GPR139: variants seen among roughly 807,000 people sequenced by gnomAD.
GPR139 encodes G protein-coupled receptor 139.
Under a neutral mutation model 25.8 loss-of-function variants are expected in GPR139, and 12 were observed. The ratio of observed to expected loss-of-function variants is 0.47; its 90% CI spans 0.30 to 0.75. The LOEUF is 0.75. Ranked by LOEUF, GPR139 falls within the 30% of genes least tolerant of loss-of-function variation. The pLI is 0.07. For synonymous variants in GPR139, 184 were observed against 179.9 expected, an observed-to-expected ratio of 1.02 and a Z score of -0.18; for missense variants, 380 against 450.2, an observed-to-expected ratio of 0.84 and a Z score of 1.41.
chr16:20,067,586 G>A (rs929381576), intron 1 of GPR139, among the ~76,000 whole-genome samples: 4 of 151,996 alleles, frequency 2.6e-5, no homozygotes, highest in African/African-American at 9.7e-5. Flanking sequence ...AGGTGGATCA[G>A]CTGAGGTCGG....
chr16:20,071,753 GT>G (rs1231850443), intron 1 of GPR139, among the ~76,000 whole-genome samples: 1 of 152,140 alleles, frequency 6.6e-6, no homozygotes, highest in African/African-American at 2.4e-5. Flanking sequence ...AAAGGCCTAA[GT>G]TTTTCCTCAT....
chr16:20,060,122 C>G (rs1404250314), intron 1 of GPR139, among the ~76,000 whole-genome samples: 1 of 152,130 alleles, frequency 6.6e-6, no homozygotes, highest in Non-Finnish European at 1.5e-5. Flanking sequence ...TTTCAGGAGG[C>G]AGATGATGGT....
rs372718107 is a variant in GPR139, at chr16:20,038,180, C to A, written c.128-5511G>T. On this transcript the variant is annotated intron_variant, in intron 1 of 1. Coordinates refer to ENST00000570682, the MANE Select transcript of GPR139 (RefSeq NM_001002911.4). Reference sequence around the variant, plus strand: ...CTCAGCCACAACCTCTTTTTCCCCCCCATCCATTAAACAATGCCCACTTTC... The same window carrying A: ...CTCAGCCACAACCTCTTTTTCCCCCACATCCATTAAACAATGCCCACTTTC... 1.5e-3 allele frequency among the ~76,000 whole-genome samples: 233 copies of A among 152,110 alleles called. 2 individuals are homozygous for A. Among genetic ancestry groups the A allele is most frequent in the African/African-American group, 5.1e-3 (212 of 41,510 alleles).
rs139564178 is a variant in GPR139, at chr16:20,042,908, G to A, written c.128-10239C>T. 3.2e-3 allele frequency among the ~76,000 whole-genome samples: 482 copies of A among 152,150 alleles called. 3 individuals are homozygous for A. The highest frequency in any genetic ancestry group is 0.01 in the African/African-American group (429 of 41,492). ...GAAAAGTATTCTAACACCATGCCTG[G>A]GCTTAGTGGTGCTTTGATGGATTGG... On this transcript the variant is annotated intron_variant, in intron 1 of 1. Coordinates refer to ENST00000570682, the MANE Select transcript of GPR139 (RefSeq NM_001002911.4).
intron 1 of GPR139, among the ~76,000 whole-genome samples, chr16:20,046,249 A>C (rs576064371): frequency 3.3e-5 from 5 of 152,338 alleles, no homozygotes; most frequent in Admixed American, 6.5e-5. Flanking sequence ...GCATTCTCTT[A>C]TTCATTCAAC....
At chr16:20,058,470 T>A (rs969975102) in intron 1 of GPR139, among the ~76,000 whole-genome samples, 1 of 151,814 alleles carries the variant, frequency 6.6e-6, no homozygotes, top group Non-Finnish European at 1.5e-5. Flanking sequence ...GTAAGAAAAA[T>A]CTTTGTGTTG....
chr16:20,060,543 T>C (rs936422028), intron 1 of GPR139, among the ~76,000 whole-genome samples: 10 of 152,144 alleles, frequency 6.6e-5, no homozygotes, highest in African/African-American at 2.2e-4. Context: ...GCTTTGCACT[T>C]AGCTGAAAAT....
chr16:20,054,324 A>T (rs1430020346), intron 1 of GPR139, among the ~76,000 whole-genome samples: 1 of 152,200 alleles, frequency 6.6e-6, no homozygotes, highest in Non-Finnish European at 1.5e-5. Flanking sequence ...GCTAGTAAAG[A>T]ATCCAAACCT....
In GPR139 at chr16:20,039,741, C is replaced by T. The variant is rs560409486; in HGVS notation, c.128-7072G>A. On this transcript the variant is annotated intron_variant, in intron 1 of 1. Coordinates refer to ENST00000570682, the MANE Select transcript of GPR139 (RefSeq NM_001002911.4). ...ATGTATAAACTCAGGGGAGTTTATACATTTAATGACTACATTAGAAATTAG... is the reference window on the plus strand; with the variant it reads ...ATGTATAAACTCAGGGGAGTTTATATATTTAATGACTACATTAGAAATTAG... Among the ~76,000 whole-genome samples, 21 of 152,226 alleles carry T rather than the reference C, an allele frequency of 1.4e-4. 1 individual carries two copies. The highest frequency in any genetic ancestry group is 9.2e-4 in the Admixed American group (14 of 15,298).
At chr16:20,070,973 G>T in intron 1 of GPR139, 1 of 985,496 alleles carries the variant, frequency 1.0e-6, no homozygotes, top group Non-Finnish European at 1.2e-6. Flanking sequence ...TCACTGGTGG[G>T]GCTGAGCAAG....
Position 20,073,750 on chromosome 16 carries a change from C to T in GPR139, c.-134G>A. On this transcript the variant is annotated 5_prime_UTR_variant, in exon 1 of 2. Coordinates refer to ENST00000570682, the MANE Select transcript of GPR139 (RefSeq NM_001002911.4). This position sits in a 1 kb window ranked among gnomAD's most constrained non-coding sequence, Gnocchi z 4.7. Reference sequence around the variant, plus strand: ...CGCCTCTCTCCCCGCAGGACTGGCTCCTACCCTTGGCCGTGATCCCCTCTG... The same window carrying T: ...CGCCTCTCTCCCCGCAGGACTGGCTTCTACCCTTGGCCGTGATCCCCTCTG... 2.5e-6 allele frequency: 3 copies of T among 1,177,792 alleles called. No individual in the cohort carries two copies. The highest frequency in any genetic ancestry group is 1.6e-5 in the South Asian group (1 of 61,984). 73.0% of individuals were successfully genotyped at this position (1,177,792 alleles called of 1,614,324 possible).
Position 20,053,238 on chromosome 16 carries a change from G to A in GPR139, c.127+20252C>T, listed in dbSNP as rs141746623. On this transcript the variant is annotated intron_variant, in intron 1 of 1. Transcript: ENST00000570682. ...GGGCATGGGGAACATTGTTTTCACT[G>A]ACACCCAAATCAGATGCAGGACAGA... Among the ~76,000 whole-genome samples, 454 of 152,262 alleles carry A rather than the reference G, an allele frequency of 3.0e-3. 5 individuals are homozygous for A. Among genetic ancestry groups the A allele is most frequent in the Middle Eastern group, 0.02 (6 of 294 alleles).
rs71146301 is a variant in GPR139, at chr16:20,073,290, G to GCACACACACA, written c.127+190_127+199dup. Among the ~76,000 whole-genome samples, 1 of 149,948 alleles carries GCACACACACA rather than the reference G, an allele frequency of 6.7e-6. No homozygotes were observed. The highest frequency in any genetic ancestry group is 6.6e-5 in the Admixed American group (1 of 15,118). On this transcript the variant is annotated intron_variant, in intron 1 of 1. Transcript: ENST00000570682. The surrounding 1 kb of genome is among the most constrained non-coding windows in gnomAD (Gnocchi z 4.7). ...CACACACACACACACGCTCGCGCGC[G>GCACACACACA]CACACACACACACACGGTCCCCAGC...
chr16:20,067,151 G>C (rs943405747), intron 1 of GPR139, among the ~76,000 whole-genome samples: 4 of 152,192 alleles, frequency 2.6e-5, no homozygotes, highest in Non-Finnish European at 5.9e-5. Flanking sequence ...AAACTAACAT[G>C]ATCGTTACAG....
intron 1 of GPR139, among the ~76,000 whole-genome samples, chr16:20,067,462 T>G (rs943334201): frequency 2.6e-5 from 4 of 151,946 alleles, no homozygotes; most frequent in African/African-American, 9.7e-5. Flanking sequence ...TAAGGACGAG[T>G]CATGCAGTAT....
intron 1 of GPR139, among the ~76,000 whole-genome samples, chr16:20,039,865 C>T (rs2057324089): frequency 6.6e-6 from 1 of 152,162 alleles, no homozygotes; most frequent in Admixed American, 6.5e-5. Context: ...ACACATGCCT[C>T]TAGGTAGTCT....
At chr16:20,060,923 G>T (rs1179376010) in intron 1 of GPR139, among the ~76,000 whole-genome samples, 2 of 152,098 alleles carry the variant, frequency 1.3e-5, no homozygotes, top group South Asian at 4.1e-4. Context: ...TTCTTGAGGG[G>T]AGCTTTCCTT....
At position 20,029,013 on chromosome 16, in the gene GPR139, T is replaced by C. The variant is rs1163240221; in HGVS notation, c.*2722A>G. Among the ~76,000 whole-genome samples the C allele has an allele frequency of 6.6e-6, 1 of 152,166 alleles. No homozygotes were observed. Among genetic ancestry groups the C allele is most frequent in the Non-Finnish European group, 1.5e-5 (1 of 68,046 alleles). ...ATTTCATGATGTCCATAATTATTAC[T>C]ATAAATAATAATAAAAGTCCTTAGA... On this transcript the variant is annotated 3_prime_UTR_variant, in exon 2 of 2. Coordinates refer to ENST00000570682, the MANE Select transcript of GPR139 (RefSeq NM_001002911.4).
rs552912253 is a variant in GPR139, at chr16:20,034,829, G to A, written c.128-2160C>T. Among the ~76,000 whole-genome samples the A allele has an allele frequency of 3.8e-4, 58 of 152,150 alleles. 2 individuals carry two copies. The South Asian group carries it at 7.9e-3, about 21-fold the overall frequency. ...GTTCACTCAATTGAATGACTACATA[G>A]CATTTTGCTGTAGGAACTTACTGAT... On this transcript the variant is annotated intron_variant, in intron 1 of 1. Coordinates refer to ENST00000570682, the MANE Select transcript of GPR139 (RefSeq NM_001002911.4).
Sources: allele counts gnomAD v4.1 joint callset (sites outside exome capture counted in the v4.1 genomes callset), GRCh38; gene constraint gnomAD v4.1.1; non-coding constraint Gnocchi (gnomAD v3.1); transcripts MANE v1.5; gene names NCBI Gene and HGNC (gene_info 2026-07-23, HGNC 2026-07-21).